HIBADH: variants seen among roughly 807,000 people sequenced by gnomAD.
HIBADH encodes 3-hydroxyisobutyrate dehydrogenase, mitochondrial.
A neutral mutation model predicts 36.1 loss-of-function variants in HIBADH; 25 were observed. The observed-to-expected ratio is 0.69, with a 90% CI of 0.50 to 0.97. HIBADH has a LOEUF of 0.97. Among genes scored for constraint, HIBADH ranks in the 50% least tolerant of loss-of-function variants. The pLI is 0.00. For missense variants in HIBADH, 421 were observed against 418.0 expected, an observed-to-expected ratio of 1.01 and a Z score of -0.06; for synonymous variants, 160 against 149.5, an observed-to-expected ratio of 1.07 and a Z score of -0.51.
intron 4 of HIBADH, among the ~76,000 whole-genome samples, chr7:27,574,184 G>GAGTT (rs1197448981): frequency 5.4e-5 from 7 of 128,954 alleles, no homozygotes; most frequent in African/African-American, 1.9e-4. Context: ...TGGAAATACA[G>GAGTT]AGTTAGAAAA....
chr7:27,551,087 CAT>C (rs1423461283), intron 4 of HIBADH, among the ~76,000 whole-genome samples: 1 of 152,152 alleles, frequency 6.6e-6, no homozygotes, highest in Non-Finnish European at 1.5e-5. Context: ...TATTTTATAA[CAT>C]GTACACAATA....
chr7:27,591,368 A>G (rs1418393982), intron 4 of HIBADH, among the ~76,000 whole-genome samples: 4 of 151,962 alleles, frequency 2.6e-5, no homozygotes, highest in East Asian at 1.9e-4. Context: ...TGGCTAACAC[A>G]GTGAAACCCT....
chr7:27,628,150 A>G (rs1240130651), intron 4 of HIBADH, among the ~76,000 whole-genome samples: 1 of 152,100 alleles, frequency 6.6e-6, no homozygotes, highest in Non-Finnish European at 1.5e-5. Context: ...TTTTGTAGGT[A>G]CTTTTAATCA....
rs975503484 is a variant in HIBADH, at chr7:27,526,467, T to C, written c.853-95A>G. The C allele has an allele frequency of 4.1e-6, 4 of 966,530 alleles. No homozygotes were observed. In the African/African-American group the frequency reaches 5.0e-5, roughly 12 times the overall value. The allele number at this position is 966,530 out of a possible 1,614,324, so 59.9% of individuals were successfully genotyped here. On this transcript the variant is annotated intron_variant, in intron 7 of 7. Transcript: ENST00000265395. ...TGTTTTGGTTTGAAAGAAGGAAAAA[T>C]GTAATCTGAAAAAATAAGATACTTA... is the stretch of plus-strand genomic sequence containing the variant.
chr7:27,598,357 G>C (rs1166281372), intron 4 of HIBADH, among the ~76,000 whole-genome samples: 1 of 152,090 alleles, frequency 6.6e-6, no homozygotes, highest in African/African-American at 2.4e-5. Context: ...CTCTCTAGAA[G>C]TTATGAAGAA....
At chr7:27,539,382 T>C (rs1342242257) in intron 5 of HIBADH, among the ~76,000 whole-genome samples, 1 of 151,868 alleles carries the variant, frequency 6.6e-6, no homozygotes, top group African/African-American at 2.4e-5. Flanking sequence ...ATGGAGACAA[T>C]AAATATATCT....
intron 4 of HIBADH, among the ~76,000 whole-genome samples, chr7:27,552,704 T>C (rs1258705266): frequency 1.3e-5 from 2 of 152,220 alleles, no homozygotes; most frequent in African/African-American, 4.8e-5. Context: ...ATTTCACAAG[T>C]ATGAAAAATC....
intron 2 of HIBADH, among the ~76,000 whole-genome samples, chr7:27,643,982 G>A (rs1413858371): frequency 5.9e-5 from 9 of 152,288 alleles, no homozygotes; most frequent in East Asian, 3.9e-4. Flanking sequence ...ACTTTAGATC[G>A]TCAAAGACCC....
chr7:27,612,745 G>A (rs893596429), intron 4 of HIBADH, among the ~76,000 whole-genome samples: 1 of 151,166 alleles, frequency 6.6e-6, no homozygotes, highest in African/African-American at 2.4e-5. Flanking sequence ...ATCAGCCTGG[G>A]CAGCACAGCC....
At chr7:27,545,813 C>T (rs1784228932) in intron 4 of HIBADH, among the ~76,000 whole-genome samples, 1 of 152,130 alleles carries the variant, frequency 6.6e-6, no homozygotes, top group African/African-American at 2.4e-5. Context: ...TGTCTGATTC[C>T]TCCATTATAA....
At chr7:27,657,920 C>T (rs1022048170) in intron 1 of HIBADH, among the ~76,000 whole-genome samples, 6 of 152,122 alleles carry the variant, frequency 3.9e-5, no homozygotes, top group African/African-American at 1.4e-4. Flanking sequence ...AAGCGTTAAA[C>T]AGTGCCTGGC....
intron 4 of HIBADH, 152 bp from the exon 5 acceptor site, chr7:27,543,252 G>C (rs1029524362): frequency 6.6e-6 from 5 of 752,652 alleles, no homozygotes; most frequent in African/African-American, 5.3e-5. Context: ...AATCTCTACA[G>C]AAATATTCAG....
intron 1 of HIBADH, among the ~76,000 whole-genome samples, chr7:27,652,344 T>C (rs998167478): frequency 1.3e-5 from 2 of 151,698 alleles, no homozygotes; most frequent in Middle Eastern, 3.4e-3. Context: ...TGTGGAAGGA[T>C]AGAAGGATGC....
intron 4 of HIBADH, among the ~76,000 whole-genome samples, chr7:27,600,996 AT>A (rs1305786650): frequency 2.0e-5 from 3 of 152,208 alleles, no homozygotes; most frequent in African/African-American, 7.2e-5. Flanking sequence ...ATACACTAGC[AT>A]TTCGTACTTT....
chr7:27,617,647 A>T (rs1346341674), intron 4 of HIBADH, among the ~76,000 whole-genome samples: 1 of 152,230 alleles, frequency 6.6e-6, no homozygotes, highest in East Asian at 1.9e-4. Context: ...CTTAACCAAG[A>T]TCAACCAAGA....
chr7:27,586,228 T>G (rs528488249), intron 4 of HIBADH, among the ~76,000 whole-genome samples: 112 of 152,346 alleles, frequency 7.4e-4, no homozygotes, highest in African/African-American at 2.6e-3. Context: ...TTCTTTCCAT[T>G]CCAACTGATA....
intron 1 of HIBADH, among the ~76,000 whole-genome samples, chr7:27,655,151 C>T (rs1786275102): frequency 6.6e-6 from 1 of 152,190 alleles, no homozygotes; most frequent in African/African-American, 2.4e-5. Flanking sequence ...AGACAGTTCT[C>T]AATTAGTACT....
chr7:27,595,922 C>A (rs1013341449), intron 4 of HIBADH, among the ~76,000 whole-genome samples: 1 of 152,038 alleles, frequency 6.6e-6, no homozygotes, highest in Non-Finnish European at 1.5e-5. Flanking sequence ...AAAAGAAAAT[C>A]AAAACCACAC....
chr7:27,610,535 T>C (rs1254622187), intron 4 of HIBADH, among the ~76,000 whole-genome samples: 1 of 152,204 alleles, frequency 6.6e-6, no homozygotes, highest in Admixed American at 6.5e-5. Context: ...AAATAAATTC[T>C]TACTGAGGTA....
Sources: gnomAD v4.1 joint callset for allele counts (sites outside exome capture counted in the v4.1 genomes callset) on GRCh38, gnomAD v4.1.1 for gene constraint, MANE v1.5 for transcripts, NCBI Gene and HGNC (gene_info 2026-07-23, HGNC 2026-07-21) for gene names.